SHROOM2: variants seen among roughly 807,000 people sequenced by gnomAD.
SHROOM2 encodes protein Shroom2.
Under a neutral mutation model 75.9 loss-of-function variants are expected in SHROOM2, and 33 were observed. The ratio of observed to expected loss-of-function variants is 0.43; its 90% confidence interval spans 0.33 to 0.58. SHROOM2 has a LOEUF of 0.58. SHROOM2 is among the 20% of genes least tolerant of loss of function. SHROOM2 has a pLI of 0.04. For synonymous variants in SHROOM2, 655 were observed against 663.6 expected (o/e 0.99, Z 0.20); for missense variants, 1,434 against 1,461.2 (o/e 0.98, Z 0.30).
intron 2 of SHROOM2, among the ~76,000 whole-genome samples, chrX:9,887,369 G>A (rs1027158941): frequency 1.8e-5 from 2 of 112,529 alleles, no homozygotes; most frequent in East Asian, 2.8e-4. Context: ...ATTTAAGGCC[G>A]AGCATGGTGG....
At chrX:9,914,821 T>C (rs771174609) in intron 5 of SHROOM2, among the ~76,000 whole-genome samples, 10 of 112,014 alleles carry the variant, frequency 8.9e-5, no homozygotes, top group Non-Finnish European at 1.9e-4. Context: ...ATGGCTGATT[T>C]TCAGTCTGGT....
chrX:9,827,818 C>T (rs1483421902), intron 1 of SHROOM2, among the ~76,000 whole-genome samples: 2 of 110,393 alleles, frequency 1.8e-5, no homozygotes, highest in East Asian at 2.9e-4. Context: ...CCTTCCGGGT[C>T]GGGGTGGTTG....
At chrX:9,939,771 T>C (rs2084752761) in intron 8 of SHROOM2, among the ~76,000 whole-genome samples, 1 of 110,742 alleles carries the variant, frequency 9.0e-6, no homozygotes, top group Admixed American at 9.6e-5. Context: ...TAAAGGAAAA[T>C]TATTTTCAAA....
intron 1 of SHROOM2, among the ~76,000 whole-genome samples, chrX:9,808,818 C>T (rs1469647896): frequency 1.8e-5 from 2 of 110,187 alleles, no homozygotes; most frequent in African/African-American, 6.6e-5. Flanking sequence ...GCCAAGTTCG[C>T]GCCATTGCAC....
intron 1 of SHROOM2, among the ~76,000 whole-genome samples, chrX:9,828,025 C>T: frequency 8.9e-6 from 1 of 112,465 alleles, no homozygotes; most frequent in Admixed American, 9.4e-5. Flanking sequence ...AAAGAATTAC[C>T]TAAGACTGGG....
At chrX:9,813,241 G>A (rs1340828097) in intron 1 of SHROOM2, among the ~76,000 whole-genome samples, 1 of 111,789 alleles carries the variant, frequency 8.9e-6, no homozygotes, top group Non-Finnish European at 1.9e-5. Flanking sequence ...GGTTCTGCCA[G>A]CTGCTGAGTA....
intron 1 of SHROOM2, among the ~76,000 whole-genome samples, chrX:9,799,794 C>A (rs111736508): frequency 3.3e-4 from 37 of 110,623 alleles, no homozygotes; most frequent in African/African-American, 1.2e-3. Flanking sequence ...ATAGACAATG[C>A]TCATATCTAT....
At position 9,946,835 on chromosome X, in the gene SHROOM2, G is replaced by A. The variant is rs750511347; in HGVS notation, c.4749G>A (p.Ser1583=). 1.8e-5 allele frequency: 21 copies of A among 1,199,499 alleles called. No homozygotes were observed. The South Asian group carries it at 2.0e-4, about 11-fold the overall frequency. The change falls in exon 10 of 10, where the codon TCG becomes TCA. Residue 1583 remains serine (S), a synonymous_variant. Transcript: ENST00000380913. ...ATGAGCACTTCGTGAAGATGAAGTC[G>A]GCCCTCATCATCGAGCAGCGGGAGC... ...ADYEHFVKMK[S]ALIIEQRELE...
In SHROOM2 at chrX:9,894,883, C is replaced by T. The variant is rs1039779223; in HGVS notation, c.975C>T (p.Ser325=). The change falls in exon 4 of 10, where the codon AGC becomes AGT. Residue 325 remains serine (S), a synonymous_variant. Transcript: ENST00000380913. ...PPPPPPLRSD[S]FAATKSHEKA... ...CCCCTCCCCCTCTCCGCAGTGACAG[C>T]TTTGCTGCCACCAAGAGCCACGAGA... 10 of 1,209,850 alleles carry T rather than the reference C, an allele frequency of 8.3e-6. No individual in the cohort carries two copies. Among genetic ancestry groups the T allele is most frequent in the Admixed American group, 2.2e-5 (1 of 45,948 alleles).
intron 2 of SHROOM2, among the ~76,000 whole-genome samples, chrX:9,888,385 C>T (rs2084272698): frequency 8.9e-6 from 1 of 112,176 alleles, no homozygotes; most frequent in African/African-American, 3.2e-5. Flanking sequence ...CCACGTGGCT[C>T]ACTTGGGCTT....
intron 1 of SHROOM2, among the ~76,000 whole-genome samples, chrX:9,823,020 TCTCCTTCTCCTC>T (rs1221156765): frequency 0.012 from 673 of 56,685 alleles, 23 homozygotes; most frequent in African/African-American, 0.041. Flanking sequence ...TTCTTCTCCT[TCTCCTTCTCCTC>T]CTCCTCCTCC....
At chrX:9,898,095 G>A in intron 4 of SHROOM2, 95 bp from the exon 5 acceptor site, 1 of 724,446 alleles carries the variant, frequency 1.4e-6, no homozygotes, top group Non-Finnish European at 2.1e-6. Flanking sequence ...AACTGCCCTG[G>A]CAAGGCAAAC....
intron 1 of SHROOM2, among the ~76,000 whole-genome samples, chrX:9,841,062 TCTC>T (rs1458248927): frequency 4.5e-5 from 5 of 111,438 alleles, no homozygotes; most frequent in African/African-American, 1.6e-4. Flanking sequence ...TTCAAGCAAT[TCTC>T]CTGCCTCAGC....
intron 1 of SHROOM2, among the ~76,000 whole-genome samples, chrX:9,815,221 T>C (rs776260177): frequency 9.0e-6 from 1 of 111,511 alleles, no homozygotes; most frequent in East Asian, 2.8e-4. Flanking sequence ...CTCTAAATGG[T>C]TTATGCCAAG....
Position 9,937,552 on chromosome X carries a change from C to G in SHROOM2, c.4006C>G (p.Pro1336Ala). 8.3e-7 allele frequency: 1 copy of G among 1,211,893 alleles called. No homozygotes were observed. The highest frequency in any genetic ancestry group is 1.1e-6 in the Non-Finnish European group (1 of 895,488). ...KDKSLADILD[P>A]SVKIKTTMDL... The stretch of plus-strand genomic sequence containing the variant: ...TAAGTCCCTGGCCGACATCCTGGAT[C>G]CCAGTGTGAAGATCAAAACCACTAT... The change falls in exon 7 of 10, where the codon CCC becomes GCC. Residue 1336 changes from proline (P) to alanine (A), a missense_variant. Pro to Ala is a conservative substitution (Grantham distance 27, BLOSUM62 -1). Around this residue, in one of 3 missense-constraint regions of SHROOM2, gnomAD observed 1,340 missense variants for 1,338.3 expected, o/e 1.00. Transcript: ENST00000380913.
chrX:9,891,689 TG>T (rs1297487003), intron 3 of SHROOM2, among the ~76,000 whole-genome samples: 1 of 108,893 alleles, frequency 9.2e-6, no homozygotes, highest in Non-Finnish European at 1.9e-5. Flanking sequence ...TGTGGGGGGG[TG>T]TGAGTGTGCA....
chrX:9,831,346 C>A (rs908275514), intron 1 of SHROOM2, among the ~76,000 whole-genome samples: 1 of 112,231 alleles, frequency 8.9e-6, no homozygotes, highest in Admixed American at 9.4e-5. Context: ...GTGTCTTGGT[C>A]TGTTCAGGTT....
At chrX:9,793,378 C>G (rs1276163461) in intron 1 of SHROOM2, among the ~76,000 whole-genome samples, 1 of 109,624 alleles carries the variant, frequency 9.1e-6, no homozygotes, top group Non-Finnish European at 1.9e-5. Flanking sequence ...CAACCTCCAC[C>G]TCTGGGGTTC....
intron 2 of SHROOM2, among the ~76,000 whole-genome samples, chrX:9,876,212 T>C (rs1226232623): frequency 2.7e-5 from 3 of 111,485 alleles, no homozygotes; most frequent in African/African-American, 9.8e-5. Context: ...AGCAGCGGAG[T>C]TTATTTACAA....
Sources: allele counts gnomAD v4.1 joint callset (sites outside exome capture counted in the v4.1 genomes callset), GRCh38; gene constraint gnomAD v4.1.1; regional missense constraint gnomAD v4.1.1; transcripts MANE v1.5; gene names NCBI Gene and HGNC (gene_info 2026-07-23, HGNC 2026-07-21).